The following MME variants were observed in gnomAD, a reference collection of about 807,000 sequenced individuals.
The protein encoded by MME is membrane metalloendopeptidase.
A neutral mutation model predicts 113.2 loss-of-function variants in MME; 98 were observed. That is an observed-to-expected ratio of 0.87 (90% CI 0.74 to 1.02). The LOEUF (loss-of-function observed/expected upper bound fraction) is 1.02. Ranked by LOEUF, MME falls within the 50% of genes least tolerant of loss-of-function variation. The probability of loss-of-function intolerance (pLI) is 0.00; values close to 1 mark genes in which losing one functional copy is unlikely to be tolerated. For synonymous variants in MME, 292 were observed against 300.6 expected (o/e 0.97, Z 0.30); for missense variants, 836 against 896.0 (o/e 0.93, Z 0.86).
intron 3 of MME, chr3:155,112,397 T>C (rs1718263394): frequency 6.6e-6 from 1 of 152,196 alleles, no homozygotes; most frequent in African/African-American, 2.4e-5. Flanking sequence ...ATAAGGTGTC[T>C]CACAGAAACT....
intron 22 of MME, among the ~76,000 whole-genome samples, chr3:155,175,398 A>G (rs1215160188): frequency 1.3e-5 from 2 of 151,952 alleles, no homozygotes; most frequent in Non-Finnish European, 2.9e-5. Flanking sequence ...TAATCCAAAA[A>G]CATTCTTCTT....
intron 1 of MME, among the ~76,000 whole-genome samples, chr3:155,073,242 C>G (rs2108146062): frequency 6.6e-6 from 1 of 151,528 alleles, no homozygotes; most frequent in South Asian, 2.1e-4. Context: ...ATTTCCGAGC[C>G]TACAAGTTAA....
At chr3:155,084,824 T>C (rs533319502) in intron 2 of MME, among the ~76,000 whole-genome samples, 2 of 152,310 alleles carry the variant, frequency 1.3e-5, no homozygotes, top group East Asian at 3.9e-4. Flanking sequence ...GCTTCGTTGG[T>C]AGAGAAGATA....
Position 155,180,670 on chromosome 3 carries a change from A to G in MME, c.*211A>G, listed in dbSNP as rs937217837. Reference sequence around the variant, plus strand: ...GGGTCTAAGGTCTATCAAGTCAATCATTTCTCACTGTGTACATAATGCTTA... The same window carrying G: ...GGGTCTAAGGTCTATCAAGTCAATCGTTTCTCACTGTGTACATAATGCTTA... On this transcript the variant is annotated 3_prime_UTR_variant, in exon 23 of 23. Coordinates refer to ENST00000360490, the MANE Select transcript of MME (RefSeq NM_007289.4). The G allele has an allele frequency of 1.8e-6, 1 of 566,902 alleles. No homozygotes were observed. 35.1% of individuals were successfully genotyped at this position (566,902 alleles called of 1,614,324 possible).
chr3:155,163,012 C>CAAAAAAAA (rs57700088), intron 17 of MME, among the ~76,000 whole-genome samples: 1 of 78,290 alleles, frequency 1.3e-5, no homozygotes. Flanking sequence ...AACTCTGTCT[C>CAAAAAAAA]AAAAAAAAAA....
chr3:155,043,826 G>A (rs1713446470), intron 1 of MME, among the ~76,000 whole-genome samples: 1 of 151,854 alleles, frequency 6.6e-6, no homozygotes, highest in South Asian at 2.1e-4. Context: ...TCACTTTTCT[G>A]TTTCAAAATT....
chr3:155,103,879 G>T (rs1006816063), intron 3 of MME, among the ~76,000 whole-genome samples: 1 of 152,070 alleles, frequency 6.6e-6, no homozygotes, highest in Non-Finnish European at 1.5e-5. Flanking sequence ...GCCAGCTCAC[G>T]CATACATGCA....
chr3:155,108,503 G>A (rs1022204067), intron 3 of MME, among the ~76,000 whole-genome samples: 2 of 151,956 alleles, frequency 1.3e-5, no homozygotes, highest in African/African-American at 2.4e-5. Context: ...GGCTGAGGCA[G>A]GAGAATCGCT....
At position 155,172,115 on chromosome 3, in the gene MME, A is replaced by T. The variant is rs746419069; in HGVS notation, c.1981-2A>T. On this transcript the variant is annotated splice_acceptor_variant, in intron 20 of 22. Coordinates refer to ENST00000360490, the MANE Select transcript of MME (RefSeq NM_007289.4). LOFTEE classifies it high-confidence loss of function. ...TGTTTTTCTATTTTATCAACTGCCT[A>T]GGCCTATCAGAATTATATTAAAAAG... 1 of 1,551,562 alleles carries T rather than the reference A, an allele frequency of 6.4e-7. No individual in the cohort carries two copies. Among genetic ancestry groups the T allele is most frequent in the African/African-American group, 1.4e-5 (1 of 73,658 alleles).
intron 1 of MME, among the ~76,000 whole-genome samples, chr3:155,033,492 T>C (rs1713039485): frequency 2.0e-5 from 3 of 152,208 alleles, no homozygotes. Context: ...AATGGAATTT[T>C]AATAGATCAA....
intron 3 of MME, among the ~76,000 whole-genome samples, chr3:155,103,371 T>C (rs974922684): frequency 7.2e-6 from 1 of 138,404 alleles, no homozygotes; most frequent in East Asian, 2.0e-4. Context: ...TCAGTCTAGC[T>C]AGGTCCTGCT....
chr3:155,130,750 A>C (rs1720082371), intron 8 of MME, among the ~76,000 whole-genome samples: 1 of 152,194 alleles, frequency 6.6e-6, no homozygotes, highest in Non-Finnish European at 1.5e-5. Context: ...TTGTCCACCT[A>C]CCCAATGTAC....
intron 1 of MME, chr3:155,081,918 G>C (rs1045487007): frequency 6.6e-6 from 1 of 152,206 alleles, no homozygotes; most frequent in Non-Finnish European, 1.5e-5. Context: ...GCATTTACAA[G>C]AGGGGGAGAT....
At chr3:155,127,981 C>G (rs1178003345) in intron 8 of MME, among the ~76,000 whole-genome samples, 1 of 152,222 alleles carries the variant, frequency 6.6e-6, no homozygotes, top group African/African-American at 2.4e-5. Flanking sequence ...CTGAATCAGA[C>G]TAGCAAACAC....
At chr3:155,029,889 C>G (rs562656704) in intron 1 of MME, among the ~76,000 whole-genome samples, 1 of 152,230 alleles carries the variant, frequency 6.6e-6, no homozygotes, top group South Asian at 2.1e-4. Context: ...ATATCACATA[C>G]TCATGACACA....
At chr3:155,090,804 G>A (rs1308776956) in intron 3 of MME, among the ~76,000 whole-genome samples, 1 of 152,208 alleles carries the variant, frequency 6.6e-6, no homozygotes, top group Admixed American at 6.5e-5. Flanking sequence ...TCAGATTTGT[G>A]TGCTTTGAGC....
At chr3:155,058,705 T>C (rs1714024407) in intron 1 of MME, among the ~76,000 whole-genome samples, 1 of 152,116 alleles carries the variant, frequency 6.6e-6, no homozygotes, top group South Asian at 2.1e-4. Flanking sequence ...AAGAAATAGA[T>C]TTTAAGCCTC....
intron 8 of MME, among the ~76,000 whole-genome samples, chr3:155,125,814 ACACG>A (rs1473697057): frequency 6.6e-6 from 1 of 152,004 alleles, no homozygotes; most frequent in Non-Finnish European, 1.5e-5. Flanking sequence ...TAATAATCTT[ACACG>A]TTATTAGATA....
Position 155,046,867 on chromosome 3 carries a change from A to G in MME, c.-11+22543A>G, listed in dbSNP as rs151310638. ...AAAAAAGTTTAGAGGATAAGGTTCT[A>G]AAGAAAAATAATTTTTGTACAATTG... On this transcript the variant is annotated intron_variant, in intron 1 of 22. Transcript: ENST00000492661. Among the ~76,000 whole-genome samples, 30 of 152,356 alleles carry G rather than the reference A, an allele frequency of 2.0e-4. No homozygotes were observed. In the East Asian group the frequency reaches 5.8e-3, roughly 29 times the overall value.
Sources: gnomAD v4.1 joint callset for allele counts (sites outside exome capture counted in the v4.1 genomes callset) on GRCh38, gnomAD v4.1.1 for gene constraint, MANE v1.5 for transcripts, NCBI Gene and HGNC (gene_info 2026-07-23, HGNC 2026-07-21) for gene names.